The following GRM3 variants were observed in gnomAD, a reference collection of about 807,000 sequenced individuals.
The protein encoded by GRM3 is glutamate metabotropic receptor 3.
GRM3 carries 26 observed loss-of-function variants against 70.5 expected under a neutral mutation model. That is an observed-to-expected ratio of 0.37 (90% CI 0.27 to 0.51). GRM3 has a LOEUF of 0.51. Ranked by LOEUF, GRM3 falls within the 20% of genes least tolerant of loss-of-function variation. The pLI is 0.93. For synonymous variants in GRM3, 443 were observed against 434.9 expected, an observed-to-expected ratio of 1.02 and a Z score of -0.23; for missense variants, 859 against 1,123.8, an observed-to-expected ratio of 0.76 and a Z score of 3.37.
At chr7:86,711,596 T>C (rs1469926650) in intron 1 of GRM3, among the ~76,000 whole-genome samples, 2 of 152,162 alleles carry the variant, frequency 1.3e-5, no homozygotes, top group Non-Finnish European at 2.9e-5. Context: ...CTGGTCTCTA[T>C]TGGTCTTCAT....
chr7:86,809,914 T>C (rs971766738), intron 3 of GRM3, among the ~76,000 whole-genome samples: 2 of 152,054 alleles, frequency 1.3e-5, no homozygotes, highest in East Asian at 1.9e-4. Context: ...AAACAAACAA[T>C]GCTTCTTAAA....
chr7:86,860,394 C>T (rs1160440710), intron 5 of GRM3, among the ~76,000 whole-genome samples: 1 of 152,146 alleles, frequency 6.6e-6, no homozygotes, highest in African/African-American at 2.4e-5. Flanking sequence ...CTATATTCAA[C>T]AGCATGTGCA....
chr7:86,709,646 C>G (rs947248415), intron 1 of GRM3, among the ~76,000 whole-genome samples: 1 of 152,068 alleles, frequency 6.6e-6, no homozygotes, highest in African/African-American at 2.4e-5. Flanking sequence ...TATCAGCTCA[C>G]ACCTGTCAGT....
At chr7:86,843,336 T>C (rs1348005096) in intron 4 of GRM3, among the ~76,000 whole-genome samples, 2 of 152,184 alleles carry the variant, frequency 1.3e-5, no homozygotes, top group Non-Finnish European at 2.9e-5. Flanking sequence ...ATGCCCTTCA[T>C]ACTGTACCAC....
At chr7:86,720,156 A>C (rs1034506746) in intron 1 of GRM3, among the ~76,000 whole-genome samples, 1 of 151,980 alleles carries the variant, frequency 6.6e-6, no homozygotes, top group Non-Finnish European at 1.5e-5. Flanking sequence ...ATGATGATAA[A>C]GTCAAATAAG....
intron 1 of GRM3, among the ~76,000 whole-genome samples, chr7:86,646,825 AC>A (rs1426414278): frequency 2.0e-5 from 3 of 152,022 alleles, no homozygotes; most frequent in Admixed American, 6.6e-5. Context: ...AGCCACACAC[AC>A]AAAAAAATCT....
In GRM3 at chr7:86,667,534, C is replaced by T. The variant is rs149320966; in HGVS notation, c.-141+22662C>T. Among the ~76,000 whole-genome samples, 535 of 152,190 alleles carry T rather than the reference C, an allele frequency of 3.5e-3. 4 individuals carry two copies. The highest frequency in any genetic ancestry group is 0.012 in the African/African-American group (507 of 41,524). On this transcript the variant is annotated intron_variant, in intron 1 of 5. Transcript: ENST00000361669. ...GACTAAGTTTTCAACATAGTCACAG[C>T]ATCATATTCCAGCTACTCTTGGGAA...
chr7:86,851,811 T>C (rs948407162), intron 5 of GRM3, among the ~76,000 whole-genome samples: 3 of 152,156 alleles, frequency 2.0e-5, no homozygotes, highest in African/African-American at 7.2e-5. Flanking sequence ...TCGTTTTCCA[T>C]GGATCTTAGA....
rs144115336 is a variant in GRM3, at chr7:86,847,726, C to T, written c.2392-2644C>T. Among the ~76,000 whole-genome samples, 8 of 152,054 alleles carry T rather than the reference C, an allele frequency of 5.3e-5. No individual in the cohort carries two copies. The East Asian group carries it at 5.8e-4, about 11-fold the overall frequency. On this transcript the variant is annotated intron_variant, in intron 4 of 5. Transcript: ENST00000361669. ...ACTGTGTCAAGCATTGCTGCGAGTTCGACAAAGATGAAAACAGAGCATCGT... is the reference window on the plus strand; with the variant it reads ...ACTGTGTCAAGCATTGCTGCGAGTTTGACAAAGATGAAAACAGAGCATCGT...
intron 1 of GRM3, among the ~76,000 whole-genome samples, chr7:86,747,414 C>T (rs577379836): frequency 6.6e-6 from 1 of 152,024 alleles, no homozygotes; most frequent in Non-Finnish European, 1.5e-5. Context: ...TCTATAAGCT[C>T]ATTTTATTTT....
intron 1 of GRM3, among the ~76,000 whole-genome samples, chr7:86,691,350 CT>C (rs767641130): frequency 5.3e-5 from 8 of 150,974 alleles, no homozygotes; most frequent in South Asian, 2.1e-4. Context: ...CCAAAGTGGG[CT>C]TTTTTTTTAG....
chr7:86,862,188 G>A (rs1457192280), intron 5 of GRM3, among the ~76,000 whole-genome samples: 4 of 152,094 alleles, frequency 2.6e-5, no homozygotes, highest in African/African-American at 7.2e-5. Context: ...GCTTTTAAAC[G>A]TACACACAAA....
At chr7:86,650,534 C>T (rs1584138279) in intron 1 of GRM3, among the ~76,000 whole-genome samples, 1 of 152,078 alleles carries the variant, frequency 6.6e-6, no homozygotes, top group East Asian at 1.9e-4. Context: ...GACACTGTCC[C>T]TTCTGAGAGG....
At chr7:86,833,422 A>T (rs2116721201) in intron 3 of GRM3, among the ~76,000 whole-genome samples, 1 of 152,200 alleles carries the variant, frequency 6.6e-6, no homozygotes, top group East Asian at 1.9e-4. Flanking sequence ...AATAAAGAAA[A>T]AAAAGAACTA....
chr7:86,744,582 G>A (rs1473932250), intron 1 of GRM3, among the ~76,000 whole-genome samples: 6 of 151,808 alleles, frequency 4.0e-5, no homozygotes, highest in African/African-American at 7.3e-5. Context: ...TGTCAGGGAC[G>A]CTTAAAACCT....
At chr7:86,735,783 A>G (rs1353238997) in intron 1 of GRM3, among the ~76,000 whole-genome samples, 2 of 152,214 alleles carry the variant, frequency 1.3e-5, no homozygotes, top group Non-Finnish European at 2.9e-5. Context: ...ACTAAGTACC[A>G]TTTTACCATA....
At chr7:86,715,477 A>T (rs185866902) in intron 1 of GRM3, among the ~76,000 whole-genome samples, 2 of 151,998 alleles carry the variant, frequency 1.3e-5, no homozygotes, top group Admixed American at 6.6e-5. Context: ...GTCTTGCATT[A>T]TAAGTAGATG....
At chr7:86,722,858 T>C (rs1795504333) in intron 1 of GRM3, among the ~76,000 whole-genome samples, 1 of 152,142 alleles carries the variant, frequency 6.6e-6, no homozygotes, top group Non-Finnish European at 1.5e-5. Flanking sequence ...CCTTTATTCA[T>C]CATGCAGCCT....
chr7:86,826,704 A>G (rs1242531299), intron 3 of GRM3, among the ~76,000 whole-genome samples: 1 of 152,226 alleles, frequency 6.6e-6, no homozygotes, highest in African/African-American at 2.4e-5. Flanking sequence ...ATGTAGAAAT[A>G]CAAATATTTA....
Sources: allele counts gnomAD v4.1 joint callset (sites outside exome capture counted in the v4.1 genomes callset), GRCh38; gene constraint gnomAD v4.1.1; transcripts MANE v1.5; gene names NCBI Gene and HGNC (gene_info 2026-07-23, HGNC 2026-07-21).